The following RAD50 variants were observed in gnomAD, a reference collection of about 807,000 sequenced individuals.
RAD50 encodes RAD50 double strand break repair protein.
A neutral mutation model predicts 168.8 loss-of-function variants in RAD50; 132 were observed. That is an observed-to-expected ratio of 0.78 (90% confidence interval 0.68 to 0.90). The LOEUF (loss-of-function observed/expected upper bound fraction) is 0.90. Among genes scored for constraint, RAD50 ranks in the 40% least tolerant of loss-of-function variants. RAD50 has a pLI of 0.00. For synonymous variants in RAD50, 525 were observed against 497.4 expected (o/e 1.06, Z -0.74); for missense variants, 1,347 against 1,534.4 (o/e 0.88, Z 2.04).
At chr5:132,615,953 A>T in intron 19 of RAD50, 50 bp from the exon 20 acceptor site, 2 of 1,510,318 alleles carry the variant, frequency 1.3e-6, no homozygotes, top group South Asian at 2.3e-5. Flanking sequence ...TACAGATTTC[A>T]TGTTAGTAAC....
At chr5:132,637,614 C>A (rs1751614081) in intron 22 of RAD50, among the ~76,000 whole-genome samples, 1 of 151,866 alleles carries the variant, frequency 6.6e-6, no homozygotes, top group African/African-American at 2.4e-5. Context: ...ACTGCAACCT[C>A]CACCTCCTGG....
intron 11 of RAD50, chr5:132,593,169 CTTG>C (rs1457193848): frequency 1.4e-5 from 3 of 207,796 alleles, no homozygotes; most frequent in Non-Finnish European, 3.1e-5. Flanking sequence ...ATCTCATAAA[CTTG>C]TTGTAAAGTA....
chr5:132,586,262 T>C (rs1750592864), intron 5 of RAD50, among the ~76,000 whole-genome samples: 1 of 152,220 alleles, frequency 6.6e-6, no homozygotes, highest in Non-Finnish European at 1.5e-5. Flanking sequence ...TCTAATCTTA[T>C]TGTTATCTTG....
chr5:132,595,724 T>G lies in RAD50; in HGVS notation c.2121T>G (p.Leu707=). ...GTGATTTGCAGTCTAAACTGCGACT[T>G]GCTCCAGATAAACTCAAGTCAACAG... The part of the protein sequence containing the change: ...VISDLQSKLR[L]APDKLKSTES... Residue 707 remains leucine, a synonymous_variant, in exon 13 of 25, where the codon CTT becomes CTG. Coordinates refer to ENST00000378823, the MANE Select transcript of RAD50 (RefSeq NM_005732.4). 1 of 1,613,930 alleles carries G rather than the reference T, an allele frequency of 6.2e-7. No homozygotes were observed. Among genetic ancestry groups the G allele is most frequent in the Non-Finnish European group, 8.5e-7 (1 of 1,179,880 alleles).
At chr5:132,584,066 C>G (rs1190460029) in intron 5 of RAD50, among the ~76,000 whole-genome samples, 1 of 152,040 alleles carries the variant, frequency 6.6e-6, no homozygotes, top group African/African-American at 2.4e-5. Flanking sequence ...TTTTCCTCAT[C>G]CATTCTGTGG....
At chr5:132,574,794 A>G (rs1050770466) in intron 2 of RAD50, among the ~76,000 whole-genome samples, 1 of 152,194 alleles carries the variant, frequency 6.6e-6, no homozygotes, top group African/African-American at 2.4e-5. Context: ...AGGTCCACAC[A>G]TTCCTAGGGC....
intron 22 of RAD50, 150 bp downstream of exon 22, chr5:132,637,350 T>A: frequency 7.0e-7 from 1 of 1,432,874 alleles, no homozygotes; most frequent in Non-Finnish European, 9.4e-7. Context: ...CTTGGCAACA[T>A]CTTGTAGCAA....
chr5:132,588,108 T>G lies in RAD50; in HGVS notation c.1051+19T>G. 6.2e-7 allele frequency: 1 copy of G among 1,600,880 alleles called. No homozygotes were observed. Among genetic ancestry groups the G allele is most frequent in the Non-Finnish European group, 8.6e-7 (1 of 1,168,386 alleles). On this transcript the variant is annotated intron_variant, in intron 7 of 24. Transcript: ENST00000378823. The stretch of plus-strand genomic sequence containing the variant: ...GAACAGGGTAGGACAAAATGTTTAT[T>G]TGGTCGTTTTTCCTACTATGATGTT...
intron 23 of RAD50, 70 bp from the exon 24 acceptor site, chr5:132,640,602 T>A: frequency 6.3e-7 from 1 of 1,598,464 alleles, no homozygotes; most frequent in African/African-American, 1.3e-5. Flanking sequence ...AAAGATCATG[T>A]CAGGACTGCT....
intron 19 of RAD50, among the ~76,000 whole-genome samples, chr5:132,613,229 A>G (rs1395149205): frequency 6.6e-6 from 1 of 152,202 alleles, no homozygotes; most frequent in East Asian, 1.9e-4. Flanking sequence ...AAGCCCTGCT[A>G]AATTTAGTCC....
chr5:132,584,286 T>G (rs952816009), intron 5 of RAD50, among the ~76,000 whole-genome samples: 8 of 152,232 alleles, frequency 5.3e-5, no homozygotes, highest in African/African-American at 1.9e-4. Flanking sequence ...TTCATGTGTC[T>G]GTTGTCTGCA....
rs1751809749 is a variant in RAD50, at chr5:132,644,527, TG to T, written c.*2164del. 1.1e-5 allele frequency: 2 copies of T among 181,470 alleles called. No homozygotes were observed. The highest frequency in any genetic ancestry group is 4.7e-5 in the African/African-American group (2 of 42,444). The allele number at this position is 181,470 out of a possible 1,614,324, so 11.2% of individuals were successfully genotyped here. ...TGGTACATATTTTGTAGGGTTGTTATGAAGATTGAATGACATTATTTACAAA... is the reference window on the plus strand; with the variant it reads ...TGGTACATATTTTGTAGGGTTGTTATAAGATTGAATGACATTATTTACAAA... On this transcript the variant is annotated 3_prime_UTR_variant, in exon 25 of 25. Coordinates refer to ENST00000378823, the MANE Select transcript of RAD50 (RefSeq NM_005732.4).
chr5:132,576,744 C>T (rs1750406583), intron 3 of RAD50, among the ~76,000 whole-genome samples: 1 of 152,214 alleles, frequency 6.6e-6, no homozygotes, highest in Non-Finnish European at 1.5e-5. Flanking sequence ...TTCTTCACCT[C>T]CTCTTCACTC....
At chr5:132,625,118 G>A (rs1303886931) in intron 21 of RAD50, among the ~76,000 whole-genome samples, 20 of 146,096 alleles carry the variant, frequency 1.4e-4, no homozygotes, top group African/African-American at 3.8e-4. Flanking sequence ...ACGGAGTCTC[G>A]CTCTGTCGCC....
intron 3 of RAD50, among the ~76,000 whole-genome samples, chr5:132,576,866 CTGTT>C (rs111783219): frequency 0.19 from 28,787 of 152,000 alleles, 2,772 homozygotes; most frequent in South Asian, 0.23. Context: ...GAGTGAGCCT[CTGTT>C]TATTTCATTT....
At chr5:132,626,754 G>A (rs562294807) in intron 21 of RAD50, among the ~76,000 whole-genome samples, 10 of 152,150 alleles carry the variant, frequency 6.6e-5, no homozygotes, top group Non-Finnish European at 1.2e-4. Context: ...CTGTTTTAAA[G>A]GGCAAGTATT....
intron 21 of RAD50, among the ~76,000 whole-genome samples, chr5:132,619,819 T>TCTCTCTCTCTACTC (rs1751246383): frequency 2.6e-4 from 30 of 116,374 alleles, no homozygotes; most frequent in African/African-American, 1.3e-3. Flanking sequence ...TCTACTCCTC[T>TCTCTCTCTCTACTC]CTCTCTCTCT....
At position 132,642,391 on chromosome 5, in the gene RAD50, A is replaced by G. The variant is rs1751747925; in HGVS notation, c.*27A>G. ...AATATCCAAGATTTAAATGCCATAG[A>G]AATGTAGGTCCTCAGAAAGTGTATA... On this transcript the variant is annotated 3_prime_UTR_variant, in exon 25 of 25. Transcript: ENST00000378823. 1 of 1,584,302 alleles carries G rather than the reference A, an allele frequency of 6.3e-7. No individual in the cohort carries two copies. Among genetic ancestry groups the G allele is most frequent in the African/African-American group, 1.3e-5 (1 of 74,200 alleles).
intron 2 of RAD50, among the ~76,000 whole-genome samples, chr5:132,568,440 A>C (rs1291290177): frequency 2.0e-5 from 3 of 152,058 alleles, no homozygotes; most frequent in Non-Finnish European, 4.4e-5. Flanking sequence ...AGATGGACAT[A>C]ATGTGTGGGA....
Sources: gnomAD v4.1 joint callset for allele counts (sites outside exome capture counted in the v4.1 genomes callset) on GRCh38, gnomAD v4.1.1 for gene constraint, MANE v1.5 for transcripts, NCBI Gene and HGNC (gene_info 2026-07-23, HGNC 2026-07-21) for gene names.